The following PRKN variants were observed in gnomAD, a reference collection of about 807,000 sequenced individuals.
PRKN encodes E3 ubiquitin-protein ligase parkin.
Under a neutral mutation model 59.5 loss-of-function variants are expected in PRKN, and 56 were observed. The ratio of observed to expected loss-of-function variants is 0.94; its 90% CI spans 0.76 to 1.18. PRKN has a LOEUF of 1.18. PRKN is among the 50% of genes most tolerant of loss of function. The pLI is 0.00. For synonymous variants in PRKN, 250 were observed against 222.1 expected (o/e 1.13, Z -1.12); for missense variants, 657 against 596.4 (o/e 1.10, Z -1.06).
chr6:161,816,187 T>G (rs1250484210), intron 6 of PRKN, among the ~76,000 whole-genome samples: 2 of 152,074 alleles, frequency 1.3e-5, no homozygotes, highest in African/African-American at 4.8e-5. Context: ...AGGAGGGAGC[T>G]GGGACATATG....
At chr6:161,940,373 A>T (rs770137150) in intron 6 of PRKN, among the ~76,000 whole-genome samples, 3 of 152,164 alleles carry the variant, frequency 2.0e-5, no homozygotes, top group Non-Finnish European at 2.9e-5. Context: ...AGCCATTGAG[A>T]CCACCTGTTA....
In PRKN at chr6:161,429,074, C is replaced by T. The variant is rs1251943995; in HGVS notation, c.1084-42197G>A. 6.6e-6 allele frequency among the ~76,000 whole-genome samples: 1 copy of T among 152,238 alleles called. No homozygotes were observed. Among genetic ancestry groups the T allele is most frequent in the African/African-American group, 2.4e-5 (1 of 41,448 alleles). ...GAAGCTAAACTTCTCTTAGACAGGA[C>T]ACCTGCAGATGGCACCTTTGCTAAC... On this transcript the variant is annotated intron_variant, in intron 9 of 11. Coordinates refer to ENST00000366898, the MANE Select transcript of PRKN (RefSeq NM_004562.3). This position sits in a 1 kb window ranked among gnomAD's most constrained non-coding sequence, Gnocchi z 4.2.
At position 162,458,137 on chromosome 6, in the gene PRKN, C is replaced by T. The variant is rs546231809; in HGVS notation, c.8-14664G>A. On this transcript the variant is annotated intron_variant, in intron 1 of 11. Transcript: ENST00000366898. ...GGCGTGGTGGCACACACCTGTAATC[C>T]CCAGCTACTTAGGAGGCTGAGACAG... Among the ~76,000 whole-genome samples, 16 of 124,944 alleles carry T rather than the reference C, an allele frequency of 1.3e-4. No individual in the cohort carries two copies. In the East Asian group the frequency reaches 3.1e-3, roughly 24 times the overall value. The allele number at this position is 124,944 out of a possible 152,430, so 82.0% of individuals were successfully genotyped here.
chr6:162,341,736 A>ATC (rs1200741958), intron 2 of PRKN, among the ~76,000 whole-genome samples: 3 of 152,064 alleles, frequency 2.0e-5, no homozygotes, highest in African/African-American at 7.2e-5. Flanking sequence ...GGAGGGGACC[A>ATC]ACACACACTG....
intron 1 of PRKN, among the ~76,000 whole-genome samples, chr6:162,672,089 G>A (rs1300207673): frequency 6.6e-6 from 1 of 152,154 alleles, no homozygotes; most frequent in Non-Finnish European, 1.5e-5. Flanking sequence ...TAATGTGGTA[G>A]AGACTCCAGA....
At chr6:161,739,815 C>T (rs1788114614) in intron 7 of PRKN, among the ~76,000 whole-genome samples, 1 of 152,042 alleles carries the variant, frequency 6.6e-6, no homozygotes, top group East Asian at 1.9e-4. Flanking sequence ...AGTGCAGTGG[C>T]ACGATTTCTA....
At chr6:161,685,177 C>A (rs1254567588) in intron 7 of PRKN, among the ~76,000 whole-genome samples, 1 of 152,126 alleles carries the variant, frequency 6.6e-6, no homozygotes, top group African/African-American at 2.4e-5. Flanking sequence ...AGTACTCTTG[C>A]TCGGCAGTTT....
At chr6:162,008,043 A>T (rs1385080177) in intron 5 of PRKN, among the ~76,000 whole-genome samples, 1 of 152,226 alleles carries the variant, frequency 6.6e-6, no homozygotes, top group African/African-American at 2.4e-5. Flanking sequence ...ATGAAGTTCA[A>T]CTGAAAAAAC....
intron 7 of PRKN, among the ~76,000 whole-genome samples, chr6:161,753,341 G>A (rs1284193822): frequency 2.0e-5 from 3 of 152,078 alleles, no homozygotes; most frequent in East Asian, 3.9e-4. Flanking sequence ...AGCACGCAGT[G>A]AGGATTAGTG....
rs1279806582 is a variant in PRKN, at chr6:161,960,798, T to A, written c.734+12504A>T. ...TGGATTTAAGAACAGCAATACCAAC[T>A]CCTCACCTACATGGTAGACAGCTTG... On this transcript the variant is annotated intron_variant, in intron 6 of 11. Transcript: ENST00000366898. Among the ~76,000 whole-genome samples the A allele has an allele frequency of 2.0e-5, 3 of 152,150 alleles. No individual in the cohort carries two copies. The South Asian group carries it at 6.2e-4, about 32-fold the overall frequency.
intron 2 of PRKN, among the ~76,000 whole-genome samples, chr6:162,409,080 G>A (rs1788217295): frequency 6.6e-6 from 1 of 152,048 alleles, no homozygotes; most frequent in African/African-American, 2.4e-5. Flanking sequence ...GATTTGCATA[G>A]ATGGGGTAAT....
chr6:162,358,084 C>A (rs964627890), intron 2 of PRKN, among the ~76,000 whole-genome samples: 2 of 152,102 alleles, frequency 1.3e-5, no homozygotes, highest in Non-Finnish European at 2.9e-5. Context: ...AATAACGTAT[C>A]AATATTGCTT....
chr6:161,523,796 C>T (rs558197795), intron 9 of PRKN, among the ~76,000 whole-genome samples: 9 of 152,248 alleles, frequency 5.9e-5, no homozygotes, highest in African/African-American at 2.2e-4. Flanking sequence ...CTCCTCTTCT[C>T]CCTCCTGTTA....
intron 6 of PRKN, among the ~76,000 whole-genome samples, chr6:161,831,180 A>G (rs914495057): frequency 6.6e-6 from 1 of 152,258 alleles, no homozygotes; most frequent in Non-Finnish European, 1.5e-5. Context: ...AGATGCAAAC[A>G]ACTGGAGAAA....
At chr6:161,669,086 G>C (rs531029828) in intron 7 of PRKN, among the ~76,000 whole-genome samples, 2 of 152,110 alleles carry the variant, frequency 1.3e-5, no homozygotes, top group Non-Finnish European at 2.9e-5. Flanking sequence ...TTATAGAAGA[G>C]GCCTGAGAGA....
intron 6 of PRKN, among the ~76,000 whole-genome samples, chr6:161,815,662 G>A (rs1464430959): frequency 6.6e-6 from 1 of 152,224 alleles, no homozygotes; most frequent in East Asian, 1.9e-4. Context: ...GCTGAGTCCT[G>A]CAATCACTCC....
chr6:161,727,044 C>T (rs140587757), intron 7 of PRKN, among the ~76,000 whole-genome samples: 35 of 152,212 alleles, frequency 2.3e-4, no homozygotes, highest in Admixed American at 5.2e-4. Context: ...CTGGACGAGG[C>T]GGATCTTTTC....
chr6:162,317,155 T>C (rs1782785757), intron 2 of PRKN, among the ~76,000 whole-genome samples: 2 of 152,058 alleles, frequency 1.3e-5, no homozygotes, highest in Admixed American at 1.3e-4. Context: ...ATATTTCATA[T>C]ATAGGTAATG....
intron 7 of PRKN, among the ~76,000 whole-genome samples, chr6:161,732,819 C>T (rs939690466): frequency 7.2e-5 from 11 of 152,098 alleles, no homozygotes; most frequent in Non-Finnish European, 1.3e-4. Context: ...TGCATTGTCT[C>T]GATGACCTGG....
Sources: gnomAD v4.1 joint callset for allele counts (sites outside exome capture counted in the v4.1 genomes callset) on GRCh38, gnomAD v4.1.1 for gene constraint, Gnocchi (gnomAD v3.1) non-coding constraint, MANE v1.5 for transcripts, NCBI Gene and HGNC (gene_info 2026-07-23, HGNC 2026-07-21) for gene names.